The following DHX29 variants were observed in gnomAD, a reference collection of about 807,000 sequenced individuals.
The protein encoded by DHX29 is ATP-dependent RNA helicase DHX29.
A neutral mutation model predicts 167.9 loss-of-function variants in DHX29; 79 were observed. The observed-to-expected ratio is 0.47, with a 90% CI of 0.39 to 0.57. DHX29 has a LOEUF of 0.57. Ranked by LOEUF, DHX29 falls within the 20% of genes least tolerant of loss-of-function variation. The probability of loss-of-function intolerance (pLI) is 0.00; values close to 1 mark genes in which losing one functional copy is unlikely to be tolerated. For synonymous variants in DHX29, 530 were observed against 546.0 expected (o/e 0.97, Z 0.41); for missense variants, 1,347 against 1,593.4 (o/e 0.85, Z 2.63).
Position 55,293,853 on chromosome 5 carries a change from A to T in DHX29, c.780+164T>A, listed in dbSNP as rs1748170013. Among the ~76,000 whole-genome samples, 2 of 152,204 alleles carry T rather than the reference A, an allele frequency of 1.3e-5. 1 individual carries two copies. The highest frequency in any genetic ancestry group is 4.1e-4 in the South Asian group (2 of 4,832). The stretch of plus-strand genomic sequence containing the variant: ...GTTAATTAACATCTTTTGAGCAGTT[A>T]ACTTTCTGCTAAGTTTTTGCCTAAG... On this transcript the variant is annotated intron_variant, in intron 6 of 26. Transcript: ENST00000251636.
chr5:55,277,139 A>C lies in DHX29; in HGVS notation c.2253T>G (p.Ile751Met). Residue 751 changes from isoleucine (I) to methionine (M), a missense_variant, in exon 13 of 27, where the codon ATT becomes ATG. Transcript: ENST00000251636. ...GATAACTTCTTCCTGAAATTCTGAGAATGGGGCAGTGTGTGAAATATGTAG... is the reference window on the plus strand; with the variant it reads ...GATAACTTCTTCCTGAAATTCTGAGCATGGGGCAGTGTGTGAAATATGTAG... ...KFSTYFTHCPILRISGRSYPV... is the reference protein window; with the variant it reads ...KFSTYFTHCPMLRISGRSYPV... 1 of 1,612,514 alleles carries C rather than the reference A, an allele frequency of 6.2e-7. No individual in the cohort carries two copies. Among genetic ancestry groups the C allele is most frequent in the East Asian group, 2.2e-5 (1 of 44,844 alleles).
chr5:55,274,453 A>G (rs1306437231), intron 16 of DHX29, among the ~76,000 whole-genome samples, 161 bp downstream of exon 16: 2 of 152,172 alleles, frequency 1.3e-5, no homozygotes, highest in Non-Finnish European at 2.9e-5. Flanking sequence ...TTAGTAGATA[A>G]CATGTTATAA....
Position 55,295,487 on chromosome 5 carries a change from C to T in DHX29, c.543G>A (p.Glu181=). ...LPEGFSQEFE[E]QQPKSRPKFQ... ...ATTTAGGCCTACTTTTAGGTTGCTG[C>T]TCTTCAAATTCCTGACTGAATCCTT... Residue 181 remains glutamate (E), a synonymous_variant, in exon 5 of 27, where the codon GAG becomes GAA. Transcript: ENST00000251636. The T allele has an allele frequency of 6.2e-7, 1 of 1,613,924 alleles. No individual in the cohort carries two copies. The highest frequency in any genetic ancestry group is 8.5e-7 in the Non-Finnish European group (1 of 1,179,934).
Position 55,269,382 on chromosome 5 carries a change from A to C in DHX29, c.3294+31T>G, listed in dbSNP as rs567552868. The C allele has an allele frequency of 6.9e-6, 11 of 1,600,204 alleles. No individual in the cohort carries two copies. In the South Asian group the frequency reaches 1.0e-4, roughly 15 times the overall value. On this transcript the variant is annotated intron_variant, in intron 21 of 26. Coordinates refer to ENST00000251636, the MANE Select transcript of DHX29 (RefSeq NM_019030.4). Reference sequence around the variant, plus strand: ...AATTTCCTGGTCAAAGGATATTTAAAGTAAAGAAGCAGCAGCATTGTTTGA... The same window carrying C: ...AATTTCCTGGTCAAAGGATATTTAACGTAAAGAAGCAGCAGCATTGTTTGA...
At chr5:55,269,199 G>A (rs1468096411) in intron 21 of DHX29, among the ~76,000 whole-genome samples, 2 of 143,070 alleles carry the variant, frequency 1.4e-5, no homozygotes, top group African/African-American at 2.7e-5. Context: ...AGCCTAGATT[G>A]CACCATTGCT....
At chr5:55,264,206 GAC>G (rs1250684620) in intron 23 of DHX29, among the ~76,000 whole-genome samples, 1 of 151,940 alleles carries the variant, frequency 6.6e-6, no homozygotes, top group Non-Finnish European at 1.5e-5. Context: ...AAAACAAAAA[GAC>G]AGTATTTGTG....
chr5:55,284,249 A>C (rs1029601632), intron 10 of DHX29, among the ~76,000 whole-genome samples: 3 of 152,212 alleles, frequency 2.0e-5, no homozygotes, highest in African/African-American at 7.2e-5. Flanking sequence ...CTACTGAACA[A>C]ATGTCTATTA....
chr5:55,260,912 T>C (rs972215287), intron 25 of DHX29, among the ~76,000 whole-genome samples: 1 of 152,212 alleles, frequency 6.6e-6, no homozygotes, highest in African/African-American at 2.4e-5. Flanking sequence ...TATTCCTTTT[T>C]ATTCCACAAT....
At chr5:55,295,240 G>C (rs911291909) in intron 5 of DHX29, 139 bp downstream of exon 5, 1 of 669,684 alleles carries the variant, frequency 1.5e-6, no homozygotes, top group South Asian at 2.1e-5. Flanking sequence ...AACAAGCAAT[G>C]ATAGAAAAGT....
chr5:55,301,500 G>T (rs79747211), intron 1 of DHX29, among the ~76,000 whole-genome samples: 4 of 151,714 alleles, frequency 2.6e-5, no homozygotes, highest in Admixed American at 2.6e-4. Context: ...GATCACCTGA[G>T]GTCAGGAGTT....
At chr5:55,297,098 A>T (rs1404755789) in intron 3 of DHX29, among the ~76,000 whole-genome samples, 187 bp downstream of exon 3, 2 of 152,174 alleles carry the variant, frequency 1.3e-5, no homozygotes, top group African/African-American at 4.8e-5. Context: ...TTTTCATATC[A>T]CCATTTTAAT....
At chr5:55,305,455 G>C (rs929691821) in intron 1 of DHX29, among the ~76,000 whole-genome samples, 1 of 152,248 alleles carries the variant, frequency 6.6e-6, no homozygotes, top group South Asian at 2.1e-4. Context: ...TTAGAAAGAG[G>C]GTTTTAGAAG....
At chr5:55,288,204 T>C (rs1471437306) in intron 8 of DHX29, among the ~76,000 whole-genome samples, 1 of 151,142 alleles carries the variant, frequency 6.6e-6, no homozygotes, top group East Asian at 1.9e-4. Context: ...GATAATGCCA[T>C]TGCACTCCAG....
chr5:55,306,561 C>CT (rs1384730968), intron 1 of DHX29, among the ~76,000 whole-genome samples: 1 of 152,218 alleles, frequency 6.6e-6, no homozygotes, highest in South Asian at 2.1e-4. Flanking sequence ...ATACCTATCT[C>CT]TGACATTAGA....
intron 25 of DHX29, 26 bp downstream of exon 25, chr5:55,261,342 T>C (rs767523861): frequency 1.5e-6 from 2 of 1,368,842 alleles, no homozygotes. Flanking sequence ...TTTTTAATAA[T>C]CAATAAAATC....
chr5:55,278,026 G>T (rs1236087506), intron 12 of DHX29, among the ~76,000 whole-genome samples: 1 of 151,596 alleles, frequency 6.6e-6, no homozygotes, highest in Non-Finnish European at 1.5e-5. Context: ...AAGACAGATG[G>T]TTTATCTACT....
intron 8 of DHX29, among the ~76,000 whole-genome samples, chr5:55,288,775 C>T (rs931551148): frequency 1.3e-5 from 2 of 152,110 alleles, no homozygotes; most frequent in Admixed American, 1.3e-4. Context: ...GAGCTGGGAA[C>T]AGGTTGGCCA....
intron 6 of DHX29, among the ~76,000 whole-genome samples, chr5:55,290,843 C>T (rs759385643): frequency 2.6e-5 from 4 of 152,036 alleles, no homozygotes; most frequent in Non-Finnish European, 5.9e-5. Context: ...GGTAAAACCC[C>T]GTCTCTACCA....
intron 21 of DHX29, 73 bp downstream of exon 21, chr5:55,269,340 A>AAC: frequency 6.7e-7 from 1 of 1,485,330 alleles, no homozygotes; most frequent in Non-Finnish European, 9.2e-7. Context: ...TTACTTAACA[A>AAC]TTGTTTCCAA....
Sources: allele counts gnomAD v4.1 joint callset (sites outside exome capture counted in the v4.1 genomes callset), GRCh38; gene constraint gnomAD v4.1.1; transcripts MANE v1.5; gene names NCBI Gene and HGNC (gene_info 2026-07-23, HGNC 2026-07-21).